The following FTO variants were observed in gnomAD, a reference collection of about 807,000 sequenced individuals.
FTO encodes the protein FTO alpha-ketoglutarate dependent dioxygenase.
In FTO, 47 loss-of-function variants were observed where a neutral mutation model predicts 63.9. The observed-to-expected ratio is 0.74, with a 90% CI of 0.58 to 0.94. FTO has a LOEUF of 0.94. Among genes scored for constraint, FTO ranks in the 40% least tolerant of loss-of-function variants. FTO has a pLI of 0.00. For missense variants in FTO, 562 were observed against 618.1 expected (o/e 0.91, Z 0.96); for synonymous variants, 207 against 224.4 (o/e 0.92, Z 0.69).
chr16:53,825,042 T>C (rs10852523), intron 2 of FTO, among the ~76,000 whole-genome samples: 59,229 of 152,032 alleles, frequency 0.39, 11,933 homozygotes, highest in Middle Eastern at 0.51. Flanking sequence ...ATTATTAGAA[T>C]TTTGTAGAAT....
At chr16:53,797,992 T>G (rs1459412366) in intron 1 of FTO, among the ~76,000 whole-genome samples, 1 of 152,126 alleles carries the variant, frequency 6.6e-6, no homozygotes, top group African/African-American at 2.4e-5. Flanking sequence ...TTTTGAGATA[T>G]TTTTGTGTAT....
intron 8 of FTO, among the ~76,000 whole-genome samples, chr16:53,984,143 G>C (rs2083609875): frequency 6.6e-6 from 1 of 152,006 alleles, no homozygotes; most frequent in South Asian, 2.1e-4. Context: ...AGGGCAGCTT[G>C]TCTCATTTAT....
At chr16:53,784,738 T>C (rs920552380) in intron 1 of FTO, among the ~76,000 whole-genome samples, 1 of 152,204 alleles carries the variant, frequency 6.6e-6, no homozygotes, top group African/African-American at 2.4e-5. Flanking sequence ...ATAAATGATG[T>C]TCCTTATGTT....
intron 8 of FTO, among the ~76,000 whole-genome samples, chr16:54,054,831 G>C (rs2085393816): frequency 6.6e-6 from 1 of 152,222 alleles, no homozygotes. Context: ...AGAGACGGCT[G>C]AGTGGAAAAT....
intron 1 of FTO, among the ~76,000 whole-genome samples, chr16:53,725,007 G>A (rs1223009458): frequency 3.3e-5 from 5 of 152,156 alleles, no homozygotes; most frequent in Admixed American, 3.3e-4. Context: ...TATTCATTAT[G>A]GATATGTGAC....
At chr16:53,910,526 A>G (rs1343949635) in intron 7 of FTO, among the ~76,000 whole-genome samples, 1 of 151,978 alleles carries the variant, frequency 6.6e-6, no homozygotes, top group Non-Finnish European at 1.5e-5. Flanking sequence ...AGGGGTGGTA[A>G]ATTCAGAGTT....
intron 8 of FTO, among the ~76,000 whole-genome samples, chr16:53,982,636 A>C (rs2083574374): frequency 6.6e-6 from 1 of 152,198 alleles, no homozygotes. Flanking sequence ...GCCCTCTTGG[A>C]AGCTGTGCCC....
chr16:53,951,674 A>T (rs995218855), intron 8 of FTO, among the ~76,000 whole-genome samples: 1 of 152,178 alleles, frequency 6.6e-6, no homozygotes, highest in African/African-American at 2.4e-5. Flanking sequence ...ACTGTGTTAC[A>T]CTGCTATGCA....
At chr16:53,998,759 C>T (rs911926369) in intron 8 of FTO, 27 of 152,332 alleles carry the variant, frequency 1.8e-4, no homozygotes, top group African/African-American at 6.5e-4. Flanking sequence ...TCTGCCCTCA[C>T]ACTGCAACTC....
chr16:53,872,703 A>G (rs764108887), intron 4 of FTO, among the ~76,000 whole-genome samples: 6 of 152,042 alleles, frequency 3.9e-5, no homozygotes, highest in African/African-American at 7.2e-5. Context: ...TTTCTTTTCT[A>G]TGTTTAGAGA....
At chr16:53,966,927 AATT>A (rs1254266872) in intron 8 of FTO, among the ~76,000 whole-genome samples, 1 of 152,144 alleles carries the variant, frequency 6.6e-6, no homozygotes, top group Non-Finnish European at 1.5e-5. Context: ...GTTCTTCTGT[AATT>A]ATAATGGCCT....
intron 8 of FTO, among the ~76,000 whole-genome samples, chr16:54,006,594 A>G (rs377355468): frequency 7.9e-5 from 12 of 152,344 alleles, no homozygotes; most frequent in African/African-American, 2.9e-4. Flanking sequence ...ATTATCCCAC[A>G]TGGAAATGCT....
intron 8 of FTO, among the ~76,000 whole-genome samples, chr16:54,090,371 C>A (rs1416274696): frequency 6.6e-6 from 1 of 152,070 alleles, no homozygotes; most frequent in African/African-American, 2.4e-5. Flanking sequence ...TTACCAGGGG[C>A]TGGGAGAAGG....
chr16:53,707,874 A>G (rs2075666379), intron 1 of FTO, among the ~76,000 whole-genome samples: 1 of 152,138 alleles, frequency 6.6e-6, no homozygotes, highest in Non-Finnish European at 1.5e-5. Flanking sequence ...ATTTGCAGTT[A>G]TTTCTCAATT....
intron 7 of FTO, among the ~76,000 whole-genome samples, chr16:53,901,766 T>C (rs1410667403): frequency 6.6e-6 from 1 of 152,180 alleles, no homozygotes; most frequent in Non-Finnish European, 1.5e-5. Context: ...CCTCTCTATG[T>C]GATGCTGTTA....
intron 8 of FTO, among the ~76,000 whole-genome samples, chr16:53,990,620 T>C (rs2083785369): frequency 6.6e-6 from 1 of 151,778 alleles, no homozygotes; most frequent in Non-Finnish European, 1.5e-5. Flanking sequence ...CTCACATGCT[T>C]TTACATGCTT....
In FTO at chr16:53,826,328, A is replaced by G; in HGVS notation, c.588A>G (p.Arg196=). 6.2e-7 allele frequency: 1 copy of G among 1,614,198 alleles called. No homozygotes were observed. Among genetic ancestry groups the G allele is most frequent in the Non-Finnish European group, 8.5e-7 (1 of 1,180,040 alleles). The change falls in exon 3 of 9, where the codon AGA becomes AGG. Residue 196 remains arginine, a synonymous_variant. Transcript: ENST00000471389. ...NGQDEVDIKS[R]AAYNVTLLNF... is the part of the protein sequence containing the mutation. ...AAGATGAAGTGGACATTAAGAGCAG[A>G]GCAGCATACAACGTAACTTTGCTGA...
intron 6 of FTO, 22 bp from the exon 7 acceptor site, chr16:53,888,810 A>G (rs754843384): frequency 6.8e-6 from 11 of 1,613,670 alleles, no homozygotes; most frequent in South Asian, 4.4e-5. Flanking sequence ...TAAAACCACC[A>G]TCTTCTCTTT....
rs188939719 is a variant in FTO at position 53,893,001 on chromosome 16, A to G, written c.1239+4050A>G. Among the ~76,000 whole-genome samples the G allele has an allele frequency of 6.6e-3, 1,007 of 152,300 alleles. 11 individuals carry two copies. The highest frequency in any genetic ancestry group is 0.023 in the African/African-American group (961 of 41,564). On this transcript the variant is annotated intron_variant, in intron 7 of 8. Coordinates refer to ENST00000471389, the MANE Select transcript of FTO (RefSeq NM_001080432.3). ...CACTTCCCATTTCCTGTCCCAGAAAACACCATTTTTATCACACTGTTTATT... is the reference window on the plus strand; with the variant it reads ...CACTTCCCATTTCCTGTCCCAGAAAGCACCATTTTTATCACACTGTTTATT...
Sources: gnomAD v4.1 joint callset for allele counts (sites outside exome capture counted in the v4.1 genomes callset) on GRCh38, gnomAD v4.1.1 for gene constraint, MANE v1.5 for transcripts, NCBI Gene and HGNC (gene_info 2026-07-23, HGNC 2026-07-21) for gene names.